PRELID2: variants seen among roughly 807,000 people sequenced by gnomAD.
PRELID2 encodes the protein PRELI domain containing 2, also known as PRELI domain-containing protein 2.
In PRELID2, 25 loss-of-function variants were observed where a neutral mutation model predicts 28.4. The ratio of observed to expected loss-of-function variants is 0.88; its 90% CI spans 0.64 to 1.23. The LOEUF (loss-of-function observed/expected upper bound fraction) is 1.23. Among genes scored for constraint, PRELID2 ranks in the 50% most tolerant of loss-of-function variants. The probability of loss-of-function intolerance (pLI) is 0.00; values close to 1 mark genes in which losing one functional copy is unlikely to be tolerated. For synonymous variants in PRELID2, 76 were observed against 71.6 expected (o/e 1.06, Z -0.31); for missense variants, 201 against 214.4 (o/e 0.94, Z 0.39).
the PRELID2 span, among the ~76,000 whole-genome samples, chr5:145,436,338 T>C: frequency 1.3e-5 from 2 of 152,194 alleles, no homozygotes. Context: ...CTATTGTTGA[T>C]GGGCTTTTAG....
rs1041133892 is a variant in PRELID2, at chr5:145,788,005, C to G, written c.474+8437G>C. 3.3e-5 allele frequency among the ~76,000 whole-genome samples: 5 copies of G among 152,102 alleles called. No homozygotes were observed. In the South Asian group the frequency reaches 6.2e-4, roughly 19 times the overall value. ...GAAAAAAGGGTTGAGAAACACTGAC[C>G]TAAGGAAAGCCCTCCCAAACTGGTG... On this transcript the variant is annotated intron_variant, in intron 5 of 6. Coordinates refer to ENST00000683046, the MANE Select transcript of PRELID2 (RefSeq NM_205846.3).
chr5:145,356,547 A>G, the PRELID2 span, among the ~76,000 whole-genome samples: 40 of 148,794 alleles, frequency 2.7e-4, no homozygotes, highest in East Asian at 7.7e-3. Context: ...TTTTTTTATC[A>G]CTGTTGGTTT....
At chr5:145,269,617 A>G in the PRELID2 span, among the ~76,000 whole-genome samples, 1 of 151,738 alleles carries the variant, frequency 6.6e-6, no homozygotes, top group African/African-American at 2.4e-5. Flanking sequence ...CAATGATCAC[A>G]ATAAAAAATT....
At chr5:145,306,867 C>T in the PRELID2 span, among the ~76,000 whole-genome samples, 2 of 152,064 alleles carry the variant, frequency 1.3e-5, no homozygotes, top group Non-Finnish European at 2.9e-5. Context: ...TAGTATTTTA[C>T]CAATGTTTAT....
intron 1 of PRELID2, among the ~76,000 whole-genome samples, chr5:145,708,985 G>T (rs914495606): frequency 6.6e-6 from 1 of 152,230 alleles, no homozygotes; most frequent in Non-Finnish European, 1.5e-5. Flanking sequence ...GTTGTGAGAT[G>T]CATGAGCTTT....
intron 1 of PRELID2, among the ~76,000 whole-genome samples, chr5:145,600,420 G>GGAAAAAAAA (rs1491541560): frequency 8.1e-6 from 1 of 124,182 alleles, no homozygotes; most frequent in African/African-American, 3.7e-5. Context: ...CTCAGGGGGG[G>GGAAAAAAAA]AAAAAAAAAA....
At chr5:145,827,529 T>C (rs1168240062) in intron 1 of PRELID2, among the ~76,000 whole-genome samples, 1 of 152,118 alleles carries the variant, frequency 6.6e-6, no homozygotes, top group Non-Finnish European at 1.5e-5. Flanking sequence ...TCATCCAAGA[T>C]CCTTCTGGCC....
chr5:145,666,613 TAGA>T (rs1257991289), intron 1 of PRELID2, among the ~76,000 whole-genome samples: 3 of 152,056 alleles, frequency 2.0e-5, no homozygotes, highest in Admixed American at 6.6e-5. Context: ...TCAAGGACAA[TAGA>T]AGGACAAGCA....
chr5:145,430,393 G>A, the PRELID2 span, among the ~76,000 whole-genome samples: 1 of 152,080 alleles, frequency 6.6e-6, no homozygotes, highest in African/African-American at 2.4e-5. Context: ...GAATTGCCGG[G>A]GAGTTCTGCT....
the PRELID2 span, among the ~76,000 whole-genome samples, chr5:145,336,814 G>A: frequency 1.3e-5 from 2 of 151,822 alleles, no homozygotes; most frequent in African/African-American, 2.4e-5. Flanking sequence ...CCTTTGTAGG[G>A]ACATGGATGA....
At chr5:145,544,635 A>ACATGTCC (rs1182015225) in intron 1 of PRELID2, among the ~76,000 whole-genome samples, 1 of 152,086 alleles carries the variant, frequency 6.6e-6, no homozygotes, top group East Asian at 1.9e-4. Flanking sequence ...TAAAGATAAT[A>ACATGTCC]CATGTCCCTC....
In PRELID2 at chr5:145,692,379, A is replaced by C. The variant is rs199998338; in HGVS notation, n.70+72552T>G. On this transcript the variant is annotated intron_variant and non_coding_transcript_variant, in intron 1 of 2. Coordinates refer to the PRELID2 transcript ENST00000510259. ...ACATGGAGGTACACACACACACACA[A>C]ACACACACATACCCCCTAGGCCTCA... Among the ~76,000 whole-genome samples the C allele has an allele frequency of 6.1e-5, 9 of 146,830 alleles. No homozygotes were observed. The East Asian group carries it at 1.6e-3, about 26-fold the overall frequency.
At chr5:145,792,090 G>A (rs1171115662) in intron 5 of PRELID2, among the ~76,000 whole-genome samples, 1 of 152,058 alleles carries the variant, frequency 6.6e-6, no homozygotes, top group Non-Finnish European at 1.5e-5. Context: ...TCATTACCGT[G>A]TATCACATCG....
intron 5 of PRELID2, among the ~76,000 whole-genome samples, chr5:145,781,691 A>G (rs2149795474): frequency 6.8e-6 from 1 of 146,350 alleles, no homozygotes; most frequent in South Asian, 2.1e-4. Context: ...TATATACACT[A>G]TATATACTAT....
the PRELID2 span, chr5:145,440,859 A>T: frequency 1.3e-5 from 2 of 152,056 alleles, no homozygotes; most frequent in African/African-American, 2.4e-5. Flanking sequence ...CTCAACAGAA[A>T]GCGCTTACCC....
At chr5:145,373,506 CAACATATATAATATATATGATATT>C in the PRELID2 span, among the ~76,000 whole-genome samples, 29 of 23,442 alleles carry the variant, frequency 1.2e-3, 9 homozygotes, top group African/African-American at 4.9e-3. Context: ...TTATATATTA[CAACATATATAATATATATGATATT>C]ATATATTACA....
At chr5:145,518,331 C>A (rs978286820) in intron 1 of PRELID2, among the ~76,000 whole-genome samples, 2 of 151,948 alleles carry the variant, frequency 1.3e-5, no homozygotes, top group Non-Finnish European at 2.9e-5. Context: ...TCCCAAGTAG[C>A]TGGGACTACA....
the PRELID2 span, among the ~76,000 whole-genome samples, chr5:145,338,540 A>G: frequency 6.6e-6 from 1 of 152,240 alleles, no homozygotes; most frequent in South Asian, 2.1e-4. Flanking sequence ...AGTTAATAAC[A>G]TTTGACATAA....
At chr5:145,385,981 G>T in the PRELID2 span, among the ~76,000 whole-genome samples, 1 of 152,022 alleles carries the variant, frequency 6.6e-6, no homozygotes, top group Non-Finnish European at 1.5e-5. Flanking sequence ...GAGGGACAAC[G>T]TGGGAGGTGA....
Sources: gnomAD v4.1 joint callset for allele counts (sites outside exome capture counted in the v4.1 genomes callset) on GRCh38, gnomAD v4.1.1 for gene constraint, MANE v1.5 for transcripts, NCBI Gene and HGNC (gene_info 2026-07-23, HGNC 2026-07-21) for gene names.